The following IRGM variants were observed in gnomAD, a reference collection of about 807,000 sequenced individuals.
IRGM encodes the protein immunity-related GTPase family M protein.
For synonymous variants in IRGM, 98 were observed against 80.6 expected (o/e 1.22, Z -1.16); for missense variants, 288 against 219.9 (o/e 1.31, Z -1.96).
exon 4 of IRGM, chr5:150,900,610 C>G (rs372153411): frequency 1.3e-5 from 2 of 151,934 alleles, no homozygotes; most frequent in Non-Finnish European, 2.9e-5. Context: ...GAAAACTATA[C>G]GTAAATCTGC....
downstream of IRGM, chr5:150,848,761 A>T (rs1361174311): frequency 8.8e-6 from 8 of 907,758 alleles, no homozygotes; most frequent in Non-Finnish European, 1.2e-5. Flanking sequence ...CTGGTGCAGA[A>T]GGGTATCTTA....
intron 1 of IRGM, among the ~76,000 whole-genome samples, chr5:150,876,210 C>T (rs1360249507): frequency 6.6e-6 from 1 of 152,202 alleles, no homozygotes; most frequent in Non-Finnish European, 1.5e-5. Flanking sequence ...ATCCAGAGGG[C>T]TGTGTATGCT....
chr5:150,867,355 G>A lies in IRGM; in HGVS notation c.159-10625G>A, dbSNP rs748625516. On this transcript the variant is annotated intron_variant and NMD_transcript_variant, in intron 1 of 3. Transcript: ENST00000520549. ...TTTTTATGGCTGAGTAGTATTCCAT[G>A]GTATATATATACACCACCCATTGAT... Among the ~76,000 whole-genome samples, 117 of 152,072 alleles carry A rather than the reference G, an allele frequency of 7.7e-4. 2 individuals carry two copies. Among genetic ancestry groups the A allele is most frequent in the Non-Finnish European group, 1.5e-3 (105 of 67,932 alleles).
intron 1 of IRGM, among the ~76,000 whole-genome samples, chr5:150,860,638 A>C (rs73796452): frequency 6.6e-6 from 1 of 152,330 alleles, no homozygotes; most frequent in African/African-American, 2.4e-5. Flanking sequence ...TCCAAGATGG[A>C]CAGACTGGCC....
chr5:150,858,093 A>C (rs2113260179), intron 1 of IRGM, among the ~76,000 whole-genome samples: 1 of 152,200 alleles, frequency 6.6e-6, no homozygotes, highest in South Asian at 2.1e-4. Context: ...ATCTTGAATT[A>C]ATTTTTGTAT....
chr5:150,884,719 A>G (rs970394535), intron 3 of IRGM, among the ~76,000 whole-genome samples: 5 of 152,024 alleles, frequency 3.3e-5, no homozygotes, highest in African/African-American at 7.2e-5. Context: ...TGTATGTCTT[A>G]TTTTGAAGTG....
At chr5:150,869,200 C>A (rs907972766) in intron 1 of IRGM, among the ~76,000 whole-genome samples, 4 of 152,070 alleles carry the variant, frequency 2.6e-5, no homozygotes, top group Non-Finnish European at 5.9e-5. Flanking sequence ...TAAAGGGATG[C>A]TGGATTTTGT....
chr5:150,853,124 C>T (rs1330711275), downstream of IRGM, among the ~76,000 whole-genome samples: 2 of 152,004 alleles, frequency 1.3e-5, no homozygotes, highest in African/African-American at 2.4e-5. Context: ...TACAGCGTCC[C>T]ATTAGTTTTT....
chr5:150,875,299 AG>A (rs1754347879), intron 1 of IRGM, among the ~76,000 whole-genome samples: 1 of 152,230 alleles, frequency 6.6e-6, no homozygotes, highest in South Asian at 2.1e-4. Flanking sequence ...ACAGTGGTGA[AG>A]GAAAATCTTC....
downstream of IRGM, among the ~76,000 whole-genome samples, chr5:150,902,392 T>TA (rs1197481096): frequency 4.6e-5 from 7 of 152,194 alleles, no homozygotes; most frequent in Non-Finnish European, 7.4e-5. Flanking sequence ...GTGCCTATCT[T>TA]ACGTTAATGA....
chr5:150,852,473 A>G (rs2113253080), downstream of IRGM, among the ~76,000 whole-genome samples: 1 of 152,224 alleles, frequency 6.6e-6, no homozygotes, highest in Middle Eastern at 3.4e-3. Context: ...AAATACTAAA[A>G]CTATAATCAA....
At chr5:150,857,613 T>C (rs1225793211) in intron 1 of IRGM, among the ~76,000 whole-genome samples, 4 of 148,928 alleles carry the variant, frequency 2.7e-5, no homozygotes, top group African/African-American at 1.0e-4. Flanking sequence ...TTTTTAATGA[T>C]CGCCATTCTA....
rs531400722 is a variant in IRGM, at chr5:150,898,580, C to G, written c.*141-2009C>G. The G allele has an allele frequency of 4.0e-5, 62 of 1,554,390 alleles. 2 individuals carry two copies. In the South Asian group the frequency reaches 7.5e-4, roughly 19 times the overall value. On this transcript the variant is annotated intron_variant and NMD_transcript_variant, in intron 3 of 3. Coordinates refer to the IRGM transcript ENST00000520549. ...CTGTAATAGTAAATTCCTGTTCAATCTGAAATGATCATTCTCATAATTTCT... is the reference window on the plus strand; with the variant it reads ...CTGTAATAGTAAATTCCTGTTCAATGTGAAATGATCATTCTCATAATTTCT...
At chr5:150,880,044 T>C (rs1305722913) in intron 3 of IRGM, among the ~76,000 whole-genome samples, 1 of 152,186 alleles carries the variant, frequency 6.6e-6, no homozygotes, top group Non-Finnish European at 1.5e-5. Context: ...TGCTAGTGGA[T>C]GGGCAAACTG....
chr5:150,878,032 G>C, exon 2 of IRGM: 1 of 458,872 alleles, frequency 2.2e-6, no homozygotes, highest in Non-Finnish European at 4.4e-6. Context: ...CCTCTTGCTT[G>C]CTGAAAGGAT....
At chr5:150,868,165 T>G (rs896267065) in intron 1 of IRGM, among the ~76,000 whole-genome samples, 1 of 152,078 alleles carries the variant, frequency 6.6e-6, no homozygotes, top group Non-Finnish European at 1.5e-5. Context: ...GAGAGATAAG[T>G]ATCCAGTTTC....
At position 150,894,730 on chromosome 5, in the gene IRGM, C is replaced by T. The variant is rs142316443; in HGVS notation, c.*141-5859C>T. ...AGAAGTATGTTTGCCTAAAGTCACA[C>T]AATCTGTGAGGCACTGAGCCAGGAT... is the stretch of plus-strand genomic sequence containing the variant. On this transcript the variant is annotated intron_variant and NMD_transcript_variant, in intron 3 of 3. Coordinates refer to the IRGM transcript ENST00000520549. The T allele has an allele frequency of 4.2e-3, 635 of 152,402 alleles. 2 individuals are homozygous for T. The highest frequency in any genetic ancestry group is 7.8e-3 in the Non-Finnish European group (528 of 68,008). 9.4% of individuals were successfully genotyped at this position (152,402 alleles called of 1,614,324 possible).
chr5:150,860,287 A>G (rs1420933333), intron 1 of IRGM, among the ~76,000 whole-genome samples: 1 of 152,240 alleles, frequency 6.6e-6, no homozygotes, highest in Non-Finnish European at 1.5e-5. Context: ...CCTCCATTAC[A>G]AGGAAAATTA....
chr5:150,880,053 T>A (rs890395099), intron 3 of IRGM, among the ~76,000 whole-genome samples: 2 of 152,192 alleles, frequency 1.3e-5, no homozygotes, highest in African/African-American at 4.8e-5. Flanking sequence ...ATGGGCAAAC[T>A]GGAGTCATCT....
Sources: allele counts gnomAD v4.1 joint callset (sites outside exome capture counted in the v4.1 genomes callset), GRCh38; gene constraint gnomAD v4.1.1; transcripts MANE v1.5; gene names NCBI Gene and HGNC (gene_info 2026-07-23, HGNC 2026-07-21).